Variants in SEC14L5 observed in about 807,000 individuals in gnomAD.
The protein encoded by SEC14L5 is SEC14 like lipid binding 5.
SEC14L5 carries 96 observed loss-of-function variants against 84.6 expected under a neutral mutation model. The ratio of observed to expected loss-of-function variants is 1.13; its 90% confidence interval spans 0.96 to 1.34. SEC14L5 has a LOEUF of 1.34. Among genes scored for constraint, SEC14L5 ranks in the 40% most tolerant of loss-of-function variants. The probability of loss-of-function intolerance (pLI) is 0.00; values close to 1 mark genes in which losing one functional copy is unlikely to be tolerated. For synonymous variants in SEC14L5, 546 were observed against 383.4 expected (o/e 1.42, Z -4.95); for missense variants, 1,224 against 942.5 (o/e 1.30, Z -3.91).
At position 4,988,094 on chromosome 16, in the gene SEC14L5, C is replaced by G. The variant is rs1207318684; in HGVS notation, c.214-55C>G. 3.7e-6 allele frequency: 6 copies of G among 1,600,646 alleles called. No individual in the cohort carries two copies. The African/African-American group carries it at 6.7e-5, about 18-fold the overall frequency. On this transcript the variant is annotated intron_variant, in intron 3 of 15. Coordinates refer to ENST00000251170, the MANE Select transcript of SEC14L5 (RefSeq NM_014692.2). Reference sequence around the variant, plus strand: ...AGGCCCGCCGGACTCGCTCTCCATTCCTGTGTGCTCCACGCCGCCCACCCA... The same window carrying G: ...AGGCCCGCCGGACTCGCTCTCCATTGCTGTGTGCTCCACGCCGCCCACCCA...
intron 2 of SEC14L5, among the ~76,000 whole-genome samples, chr16:4,977,185 G>A (rs556025602): frequency 1.3e-5 from 2 of 152,174 alleles, no homozygotes; most frequent in African/African-American, 2.4e-5. Context: ...AGTGGCTCAC[G>A]CCTGTAATCC....
In SEC14L5 at chr16:4,996,931, G is replaced by C. The variant is rs776726374; in HGVS notation, c.857G>C (p.Arg286Pro). Residue 286 changes from arginine to proline, a missense_variant, in exon 8 of 16, where the codon CGC becomes CCC. Physicochemically the swap from Arg to Pro is moderately radical, Grantham distance 103 (BLOSUM62 -2). Coordinates refer to ENST00000251170, the MANE Select transcript of SEC14L5 (RefSeq NM_014692.2). ...FHLDKAREML[R>P]QSLSWRKQHQ... is the part of the protein sequence containing the mutation. ...CTGGACAAGGCCCGGGAAATGCTGC[G>C]CCAGTCCTTGAGCTGGCGCAAGCAG... 1.9e-6 allele frequency: 3 copies of C among 1,613,572 alleles called. No individual in the cohort carries two copies. Among genetic ancestry groups the C allele is most frequent in the Non-Finnish European group, 2.5e-6 (3 of 1,179,720 alleles).
chr16:5,000,231 C>G (rs933306223), intron 8 of SEC14L5, among the ~76,000 whole-genome samples: 7 of 152,126 alleles, frequency 4.6e-5, no homozygotes, highest in African/African-American at 1.7e-4. Context: ...GCCGAGGTTA[C>G]AGTGAGCCGA....
In SEC14L5 at chr16:5,018,906, C is replaced by T. The variant is rs1955903189; in HGVS notation, c.*3936C>T. On this transcript the variant is annotated 3_prime_UTR_variant, in exon 16 of 16. Transcript: ENST00000251170. ...AAAGTCTCTTTGAGCCAGTGAAACA[C>T]GATGGGTTTTTTTGTTTGCCTGATC... is the stretch of plus-strand genomic sequence containing the variant. 2.6e-5 allele frequency: 4 copies of T among 152,186 alleles called. No homozygotes were observed. In the South Asian group the frequency reaches 6.2e-4, roughly 24 times the overall value. 9.4% of individuals were successfully genotyped at this position (152,186 alleles called of 1,614,324 possible). A position where few individuals can be genotyped will look rare whatever the true frequency, so the allele number is the denominator to read the frequency against.
At chr16:5,010,962 G>A in intron 14 of SEC14L5, 133 bp from the exon 15 acceptor site, 1 of 799,256 alleles carries the variant, frequency 1.3e-6, no homozygotes, top group Non-Finnish European at 1.9e-6. Flanking sequence ...AGTTGCTGGT[G>A]GACTGGAGAA....
At chr16:4,978,755 A>G (rs1434718380) in intron 2 of SEC14L5, among the ~76,000 whole-genome samples, 4 of 150,062 alleles carry the variant, frequency 2.7e-5, no homozygotes, top group Non-Finnish European at 4.4e-5. Context: ...GGCGCCTGCC[A>G]CCACGCTCGG....
At chr16:5,003,714 C>G (rs1486359320) in intron 11 of SEC14L5, 141 bp downstream of exon 11, 1 of 619,062 alleles carries the variant, frequency 1.6e-6, no homozygotes, top group Admixed American at 3.1e-5. Context: ...TAGCATAAAG[C>G]TCACACTTTT....
In SEC14L5 at chr16:5,015,217, G is replaced by A. The variant is rs866307239; in HGVS notation, c.*247G>A. 1 of 525,714 alleles carries A rather than the reference G, an allele frequency of 1.9e-6. No homozygotes were observed. The highest frequency in any genetic ancestry group is 2.6e-5 in the South Asian group (1 of 38,824). 32.6% of individuals were successfully genotyped at this position (525,714 alleles called of 1,614,324 possible). A position where few individuals can be genotyped will look rare whatever the true frequency, so the allele number is the denominator to read the frequency against. On this transcript the variant is annotated 3_prime_UTR_variant, in exon 16 of 16. Transcript: ENST00000251170. Reference sequence around the variant, plus strand: ...CTTCGTGTAAGGAAGACCAAGCCAAGGCCAAGGTGTCTACCATACCACACC... The same window carrying A: ...CTTCGTGTAAGGAAGACCAAGCCAAAGCCAAGGTGTCTACCATACCACACC...
At chr16:4,983,858 CA>C (rs1439192694) in intron 2 of SEC14L5, among the ~76,000 whole-genome samples, 1 of 149,182 alleles carries the variant, frequency 6.7e-6, no homozygotes, top group Non-Finnish European at 1.5e-5. Flanking sequence ...CCCTGGGTGA[CA>C]AGAACAAAAC....
intron 6 of SEC14L5, among the ~76,000 whole-genome samples, chr16:4,993,418 C>G (rs886788026): frequency 2.0e-5 from 3 of 152,014 alleles, no homozygotes; most frequent in African/African-American, 7.2e-5. Flanking sequence ...ATTTTTAAAT[C>G]TTTAGTGGAG....
intron 2 of SEC14L5, among the ~76,000 whole-genome samples, chr16:4,964,822 C>G (rs1305937134): frequency 6.6e-6 from 1 of 151,928 alleles, no homozygotes; most frequent in Admixed American, 6.6e-5. Flanking sequence ...CCTTTGTCTC[C>G]CAGGCTGAAG....
intron 2 of SEC14L5, among the ~76,000 whole-genome samples, chr16:4,979,419 G>A (rs376702473): frequency 3.9e-5 from 6 of 152,296 alleles, no homozygotes; most frequent in African/African-American, 1.2e-4. Context: ...TGTCAAATGC[G>A]GAGGGTGAGC....
intron 2 of SEC14L5, among the ~76,000 whole-genome samples, chr16:4,967,108 G>A (rs953556999): frequency 8.5e-5 from 13 of 152,190 alleles, no homozygotes; most frequent in African/African-American, 3.1e-4. Context: ...GCCACAAACC[G>A]GGTGACTTAG....
intron 10 of SEC14L5, among the ~76,000 whole-genome samples, chr16:5,002,593 T>C (rs1955689027): frequency 6.6e-6 from 1 of 152,162 alleles, no homozygotes; most frequent in Non-Finnish European, 1.5e-5. Flanking sequence ...GAAGCATAAT[T>C]CACCCCAGAT....
At chr16:4,971,941 A>G (rs1955285401) in intron 2 of SEC14L5, among the ~76,000 whole-genome samples, 1 of 152,162 alleles carries the variant, frequency 6.6e-6, no homozygotes, top group African/African-American at 2.4e-5. Context: ...GAGACTGTAA[A>G]CAAACAAACG....
At position 5,015,347 on chromosome 16, in the gene SEC14L5, C is replaced by G; in HGVS notation, c.*377C>G. 1 of 207,082 alleles carries G rather than the reference C, an allele frequency of 4.8e-6. No individual in the cohort carries two copies. Among genetic ancestry groups the G allele is most frequent in the Non-Finnish European group, 9.8e-6 (1 of 102,188 alleles). The allele number at this position is 207,082 out of a possible 1,614,324, so 12.8% of individuals were successfully genotyped here. A position where few individuals can be genotyped will look rare whatever the true frequency, so the allele number is the denominator to read the frequency against. The stretch of plus-strand genomic sequence containing the variant: ...GGGACCATCACTATCAGGTGCCCTT[C>G]TCCTCCCTGCAGCTTGCCTGCATAA... On this transcript the variant is annotated 3_prime_UTR_variant, in exon 16 of 16. Coordinates refer to ENST00000251170, the MANE Select transcript of SEC14L5 (RefSeq NM_014692.2).
chr16:5,004,537 A>G lies in SEC14L5; in HGVS notation c.1302+964A>G, dbSNP rs149197470. On this transcript the variant is annotated intron_variant, in intron 11 of 15. Transcript: ENST00000251170. ...ACTGCAGTAAGCCTGGCCACCCCCAAGAGGAGGGAATGTCCTTGCAGAATC... is the reference window on the plus strand; with the variant it reads ...ACTGCAGTAAGCCTGGCCACCCCCAGGAGGAGGGAATGTCCTTGCAGAATC... 7.8e-3 allele frequency among the ~76,000 whole-genome samples: 1,192 copies of G among 152,092 alleles called. 13 individuals are homozygous for G. The highest frequency in any genetic ancestry group is 0.012 in the Non-Finnish European group (807 of 67,994).
In SEC14L5 at chr16:5,016,641, T is replaced by G. The variant is rs1403523697; in HGVS notation, c.*1671T>G. The G allele has an allele frequency of 6.6e-6, 1 of 152,170 alleles. No homozygotes were observed. Among genetic ancestry groups the G allele is most frequent in the Non-Finnish European group, 1.5e-5 (1 of 68,030 alleles). The allele number at this position is 152,170 out of a possible 1,614,324, so 9.4% of individuals were successfully genotyped here. On this transcript the variant is annotated 3_prime_UTR_variant, in exon 16 of 16. Transcript: ENST00000251170. ...TCCTGGCCTTGCTTAGAGTTGGGGC[T>G]CATCTCTGCTGCAGTAACTGAGCCA... is the stretch of plus-strand genomic sequence containing the variant.
intron 2 of SEC14L5, among the ~76,000 whole-genome samples, chr16:4,973,416 G>A (rs1955303112): frequency 1.8e-5 from 1 of 56,458 alleles, no homozygotes; most frequent in Non-Finnish European, 4.8e-5. Flanking sequence ...CCGGAACAGT[G>A]TCAGCCTGGT....
Sources: gnomAD v4.1 joint callset for allele counts (sites outside exome capture counted in the v4.1 genomes callset) on GRCh38, gnomAD v4.1.1 for gene constraint, MANE v1.5 for transcripts, NCBI Gene and HGNC (gene_info 2026-07-23, HGNC 2026-07-21) for gene names.